The following HEATR4 variants were observed in gnomAD, a reference collection of about 807,000 sequenced individuals.
The protein encoded by HEATR4 is HEAT repeat containing 4, also known as HEAT repeat-containing protein 4.
Under a neutral mutation model 108.8 loss-of-function variants are expected in HEATR4, and 95 were observed. That is an observed-to-expected ratio of 0.87 (90% CI 0.74 to 1.04). The LOEUF is 1.04. Ranked by LOEUF, HEATR4 falls within the 50% of genes least tolerant of loss-of-function variation. HEATR4 has a pLI of 0.00. For synonymous variants in HEATR4, 443 were observed against 459.4 expected (o/e 0.96, Z 0.46); for missense variants, 1,152 against 1,253.8 (o/e 0.92, Z 1.23).
At chr14:73,606,049 G>T in the HEATR4 span, among the ~76,000 whole-genome samples, 8 of 152,202 alleles carry the variant, frequency 5.3e-5, no homozygotes, top group African/African-American at 1.7e-4. Flanking sequence ...TCAATTCCCT[G>T]TGATTTCATC....
intron 10 of HEATR4, among the ~76,000 whole-genome samples, chr14:73,503,645 AAAAAT>A (rs138534999): frequency 0.1 from 15,312 of 152,176 alleles, 1,126 homozygotes; most frequent in Non-Finnish European, 0.15. Context: ...AAAAATTTTA[AAAAAT>A]AAAATAAAAA....
In HEATR4 at chr14:73,499,159, T is replaced by G; in HGVS notation, c.2287-19A>C. 6.2e-7 allele frequency: 1 copy of G among 1,609,754 alleles called. No individual in the cohort carries two copies. The highest frequency in any genetic ancestry group is 8.5e-7 in the Non-Finnish European group (1 of 1,176,056). On this transcript the variant is annotated intron_variant, in intron 12 of 17. Transcript: ENST00000553558. ...CAAGCACCTGGGATGGAAAAGGCAG[T>G]GTTGAGTGGGGAGGACCAGAGCAAG... is the stretch of plus-strand genomic sequence containing the variant.
At chr14:73,490,390 C>T (rs1162290118) in intron 17 of HEATR4, among the ~76,000 whole-genome samples, 2 of 152,256 alleles carry the variant, frequency 1.3e-5, no homozygotes, top group African/African-American at 4.8e-5. Flanking sequence ...TCTCGGCTCA[C>T]TGCAAGCTCT....
At chr14:73,580,683 T>A in the HEATR4 span, 1 of 152,176 alleles carries the variant, frequency 6.6e-6, no homozygotes, top group African/African-American at 2.4e-5. Context: ...TAGAGATATC[T>A]GGTCCATATC....
In HEATR4 at chr14:73,484,646, C is replaced by A. The variant is rs183086471; in HGVS notation, c.2845-5804G>T. The stretch of plus-strand genomic sequence containing the variant: ...CCTCCCGCCTCAGCCTCCCAAAGTG[C>A]TGGGATTACAGGCATGAGCCACCAC... On this transcript the variant is annotated intron_variant, in intron 17 of 17. Coordinates refer to ENST00000553558, the MANE Select transcript of HEATR4 (RefSeq NM_001220484.1). Among the ~76,000 whole-genome samples, 40 of 152,170 alleles carry A rather than the reference C, an allele frequency of 2.6e-4. No individual in the cohort carries two copies. The East Asian group carries it at 7.7e-3, about 29-fold the overall frequency.
At chr14:73,515,415 C>T (rs960974351) in intron 5 of HEATR4, among the ~76,000 whole-genome samples, 2 of 151,598 alleles carry the variant, frequency 1.3e-5, no homozygotes, top group Non-Finnish European at 2.9e-5. Flanking sequence ...TGCAGTGGCT[C>T]ATGCCTGTAA....
the HEATR4 span, among the ~76,000 whole-genome samples, chr14:73,583,371 A>G: frequency 3.3e-5 from 5 of 150,286 alleles, no homozygotes; most frequent in Admixed American, 6.6e-5. Flanking sequence ...AAAAGAATGC[A>G]GTTTCCACCT....
chr14:73,492,044 G>C lies in HEATR4; in HGVS notation c.2844+1022C>G. On this transcript the variant is annotated intron_variant, in intron 17 of 17. Transcript: ENST00000553558. The surrounding 1 kb of genome is among the most constrained non-coding windows in gnomAD (Gnocchi z 4.9). ...GCAGGGCTTTGCCCCCCACTACGACGACATCGAGGCCTTCGTGCTGCAGCT... is the reference window on the plus strand; with the variant it reads ...GCAGGGCTTTGCCCCCCACTACGACCACATCGAGGCCTTCGTGCTGCAGCT... The C allele has an allele frequency of 6.2e-7, 1 of 1,613,950 alleles. No homozygotes were observed. The highest frequency in any genetic ancestry group is 8.5e-7 in the Non-Finnish European group (1 of 1,179,886).
the HEATR4 span, chr14:73,580,705 C>T: frequency 6.6e-6 from 1 of 151,990 alleles, no homozygotes; most frequent in Non-Finnish European, 1.5e-5. Context: ...AGATCCAGTC[C>T]CTGAAGCTGA....
chr14:73,562,568 C>G (rs1197786794), upstream of HEATR4, among the ~76,000 whole-genome samples: 1 of 152,020 alleles, frequency 6.6e-6, no homozygotes. Flanking sequence ...AGAGAGCCTA[C>G]AAACGGACGT....
the HEATR4 span, among the ~76,000 whole-genome samples, chr14:73,621,495 G>A: frequency 1.3e-5 from 2 of 152,174 alleles, no homozygotes; most frequent in Admixed American, 6.6e-5. Context: ...ACCTACTGCA[G>A]TATACTGGGC....
chr14:73,625,919 C>T, the HEATR4 span, among the ~76,000 whole-genome samples: 18 of 152,286 alleles, frequency 1.2e-4, no homozygotes, highest in East Asian at 1.9e-4. Flanking sequence ...GGAAGAGTCT[C>T]GGGTCTCTCA....
At chr14:73,523,320 G>A in intron 2 of HEATR4, 96 bp from the exon 3 acceptor site, 1 of 618,302 alleles carries the variant, frequency 1.6e-6, no homozygotes, top group Non-Finnish European at 2.7e-6. Context: ...AAAAACAGAT[G>A]GAAAGGGGGT....
upstream of HEATR4, among the ~76,000 whole-genome samples, chr14:73,559,339 A>G (rs954211724): frequency 5.3e-5 from 8 of 151,214 alleles, no homozygotes; most frequent in South Asian, 2.1e-4. Context: ...GGCTGTTCTC[A>G]AACTCCTGAC....
chr14:73,480,333 C>T (rs969543095), intron 17 of HEATR4, among the ~76,000 whole-genome samples: 10 of 151,984 alleles, frequency 6.6e-5, no homozygotes, highest in African/African-American at 2.2e-4. Context: ...CTCAGCTACT[C>T]GGGAGGCTGA....
At chr14:73,593,215 G>T in the HEATR4 span, among the ~76,000 whole-genome samples, 1 of 151,948 alleles carries the variant, frequency 6.6e-6, no homozygotes, top group South Asian at 2.1e-4. Flanking sequence ...CCATCTCTGG[G>T]TATTTCTTTT....
chr14:73,570,088 C>G, the HEATR4 span, among the ~76,000 whole-genome samples: 1 of 150,142 alleles, frequency 6.7e-6, no homozygotes, highest in African/African-American at 2.4e-5. Context: ...CCACCGCGCC[C>G]GGCACTTTGA....
At chr14:73,564,101 C>A in the HEATR4 span, among the ~76,000 whole-genome samples, 1 of 151,738 alleles carries the variant, frequency 6.6e-6, no homozygotes, top group Non-Finnish European at 1.5e-5. Flanking sequence ...GAGTTTGAGA[C>A]CAGCCTGGCC....
chr14:73,501,569 CTT>C (rs1204245183), intron 11 of HEATR4, among the ~76,000 whole-genome samples: 4,495 of 107,968 alleles, frequency 0.042, 75 homozygotes, highest in Non-Finnish European at 0.068. Context: ...GTCTCTCTCT[CTT>C]TTTTTTTTTT....
Sources: gnomAD v4.1 joint callset for allele counts (sites outside exome capture counted in the v4.1 genomes callset) on GRCh38, gnomAD v4.1.1 for gene constraint, Gnocchi (gnomAD v3.1) non-coding constraint, MANE v1.5 for transcripts, NCBI Gene and HGNC (gene_info 2026-07-23, HGNC 2026-07-21) for gene names.